RAP1B: variants seen among roughly 807,000 people sequenced by gnomAD.
The protein encoded by RAP1B is RAP1B, member of RAS oncogene family, also known as ras-related protein Rap-1b.
RAP1B carries 1 observed loss-of-function variant against 27.5 expected under a neutral mutation model. That is an observed-to-expected ratio of 0.04 (90% confidence interval 0.01 to 0.17). RAP1B has a LOEUF of 0.17. Ranked by LOEUF, RAP1B falls within the 10% of genes least tolerant of loss-of-function variation. RAP1B has a pLI of 1.00. For missense variants in RAP1B, 84 were observed against 214.8 expected (o/e 0.39, Z 3.81); for synonymous variants, 75 against 73.1 (o/e 1.03, Z -0.13).
At chr12:68,631,489 A>C (rs1282423396) in intron 1 of RAP1B, among the ~76,000 whole-genome samples, 1 of 152,144 alleles carries the variant, frequency 6.6e-6, no homozygotes. Flanking sequence ...TTGCTTATTA[A>C]ATGAGTCAGA....
rs370625162 is a variant in RAP1B at position 68,648,791 on chromosome 12, TCTTA to T, written c.57+14_57+17del. 609 of 1,607,512 alleles carry T rather than the reference TCTTA, an allele frequency of 3.8e-4. No individual in the cohort carries two copies. In the African/African-American group the frequency reaches 7.5e-3, roughly 20 times the overall value. On this transcript the variant is annotated intron_variant, in intron 2 of 7. Coordinates refer to ENST00000250559, the MANE Select transcript of RAP1B (RefSeq NM_001010942.3). ...TGGAAAGTCTGCTTTGGTAAGTCAT[TCTTA>T]CTTTACCTAAGCCTTTCACTCCAAG...
intron 7 of RAP1B, among the ~76,000 whole-genome samples, chr12:68,658,987 C>T (rs1258297998): frequency 6.6e-6 from 1 of 151,994 alleles, no homozygotes; most frequent in African/African-American, 2.4e-5. Context: ...GATTTTTTTC[C>T]TTTTTAATCC....
At chr12:68,618,588 C>A (rs1005469933) in intron 1 of RAP1B, among the ~76,000 whole-genome samples, 14 of 152,190 alleles carry the variant, frequency 9.2e-5, no homozygotes, top group African/African-American at 3.4e-4. Flanking sequence ...TTTTATAATA[C>A]TGAGACATTC....
intron 1 of RAP1B, among the ~76,000 whole-genome samples, chr12:68,615,312 G>GT (rs952635305): frequency 3.3e-4 from 50 of 151,988 alleles, no homozygotes; most frequent in Admixed American, 2.6e-3. Flanking sequence ...AAATGTACCA[G>GT]TTTTTTTTAA....
intron 3 of RAP1B, 98 bp from the exon 4 acceptor site, chr12:68,651,897 C>T: frequency 1.1e-6 from 1 of 872,994 alleles, no homozygotes; most frequent in Non-Finnish European, 1.8e-6. Context: ...TTGTTAAAAT[C>T]TGTGTGTCTT....
intron 1 of RAP1B, among the ~76,000 whole-genome samples, chr12:68,631,067 A>G (rs563822177): frequency 3.3e-5 from 5 of 152,220 alleles, no homozygotes; most frequent in Admixed American, 1.3e-4. Flanking sequence ...GTTCTGTGAT[A>G]GTGGTATAAC....
At chr12:68,658,451 G>T (rs1874383779) in intron 7 of RAP1B, among the ~76,000 whole-genome samples, 1 of 152,162 alleles carries the variant, frequency 6.6e-6, no homozygotes, top group Middle Eastern at 3.2e-3. Flanking sequence ...CTAGGCATTT[G>T]TGAAAATTAT....
rs63676662 is a variant in RAP1B at position 68,662,008 on chromosome 12, C to CTATATATATATATATATATATATA, written c.*2761_*2784dup. The CTATATATATATATATATATATATA allele has an allele frequency of 1.8e-4, 24 of 133,888 alleles. No individual in the cohort carries two copies. Among genetic ancestry groups the CTATATATATATATATATATATATA allele is most frequent in the Non-Finnish European group, 3.2e-4 (20 of 63,380 alleles). The allele number at this position is 133,888 out of a possible 1,614,324, so 8.3% of individuals were successfully genotyped here. Reference sequence around the variant, plus strand: ...TGAATGCCAGTGCTATCCTCTAGGTCTATATATATATATATATATATATAT... The same window carrying CTATATATATATATATATATATATA: ...TGAATGCCAGTGCTATCCTCTAGGTCTATATATATATATATATATATATATATATATATATATATATATATATAT... On this transcript the variant is annotated 3_prime_UTR_variant, in exon 8 of 8. Coordinates refer to ENST00000250559, the MANE Select transcript of RAP1B (RefSeq NM_001010942.3).
At chr12:68,614,876 AAATC>A (rs1178852843) in intron 1 of RAP1B, among the ~76,000 whole-genome samples, 1 of 152,216 alleles carries the variant, frequency 6.6e-6, no homozygotes, top group Non-Finnish European at 1.5e-5. Flanking sequence ...AGTTCTTTGT[AAATC>A]TCATAAGCAC....
At chr12:68,647,382 T>TCCCCCCCCCCCCCCCCCCCCC (rs1565670496) in intron 1 of RAP1B, among the ~76,000 whole-genome samples, 1 of 1,932 alleles carries the variant, frequency 5.2e-4, no homozygotes, top group Non-Finnish European at 9.3e-4. Context: ...CCCACTCCAC[T>TCCCCCCCCCCCCCCCCCCCCC]CCCCGCCCCC....
intron 5 of RAP1B, among the ~76,000 whole-genome samples, 165 bp downstream of exon 5, chr12:68,654,417 A>G (rs374458750): frequency 9.7e-4 from 147 of 151,450 alleles, no homozygotes; most frequent in African/African-American, 3.4e-3. Context: ...ACATGTTTTC[A>G]AATATATATC....
intron 1 of RAP1B, among the ~76,000 whole-genome samples, chr12:68,646,021 A>G (rs1476425082): frequency 6.6e-6 from 1 of 152,202 alleles, no homozygotes; most frequent in African/African-American, 2.4e-5. Context: ...GACTCATTCT[A>G]GCAACAAATA....
At chr12:68,657,410 G>A in intron 7 of RAP1B, 193 bp downstream of exon 7, 1 of 384,696 alleles carries the variant, frequency 2.6e-6, no homozygotes, top group African/African-American at 2.1e-5. Flanking sequence ...TTTCACATAA[G>A]TATTCTTTTT....
At chr12:68,631,788 A>T (rs962601122) in intron 1 of RAP1B, among the ~76,000 whole-genome samples, 9 of 151,852 alleles carry the variant, frequency 5.9e-5, no homozygotes, top group African/African-American at 1.9e-4. Context: ...GATATTTTTC[A>T]TATTTTTATG....
intron 6 of RAP1B, chr12:68,656,776 C>G (rs1374466888): frequency 3.8e-6 from 2 of 525,500 alleles, no homozygotes; most frequent in African/African-American, 4.0e-5. Context: ...ATGCATGGTT[C>G]TTGAAAGGCT....
At chr12:68,619,715 T>C (rs530189601) in intron 1 of RAP1B, among the ~76,000 whole-genome samples, 1 of 152,356 alleles carries the variant, frequency 6.6e-6, no homozygotes, top group African/African-American at 2.4e-5. Flanking sequence ...ATTTTGTTTA[T>C]ATTTTTGTTG....
At chr12:68,621,789 A>G (rs1592424214) in intron 1 of RAP1B, among the ~76,000 whole-genome samples, 1 of 152,214 alleles carries the variant, frequency 6.6e-6, no homozygotes, top group Non-Finnish European at 1.5e-5. Flanking sequence ...TAGAGGATAA[A>G]CTGGCATTAT....
At chr12:68,611,329 G>A (rs1246799546) in intron 1 of RAP1B, among the ~76,000 whole-genome samples, 3 of 150,556 alleles carry the variant, frequency 2.0e-5, no homozygotes, top group Non-Finnish European at 4.5e-5. Context: ...TATGGCGGAG[G>A]AAGTGAGAGC....
intron 7 of RAP1B, among the ~76,000 whole-genome samples, chr12:68,657,871 T>A (rs983895599): frequency 6.9e-6 from 1 of 145,348 alleles, no homozygotes; most frequent in East Asian, 2.0e-4. Flanking sequence ...CATGTGCCAG[T>A]CACACACACA....
Sources: gnomAD v4.1 joint callset for allele counts (sites outside exome capture counted in the v4.1 genomes callset) on GRCh38, gnomAD v4.1.1 for gene constraint, MANE v1.5 for transcripts, NCBI Gene and HGNC (gene_info 2026-07-23, HGNC 2026-07-21) for gene names.